OR10J1: variants seen among roughly 807,000 people sequenced by gnomAD.
The protein encoded by OR10J1 is olfactory receptor family 10 subfamily J member 1.
For synonymous variants in OR10J1, 202 were observed against 143.8 expected, an observed-to-expected ratio of 1.40 and a Z score of -2.89; for missense variants, 474 against 376.6, an observed-to-expected ratio of 1.26 and a Z score of -2.14.
the OR10J1 span, among the ~76,000 whole-genome samples, chr1:159,415,350 T>C: frequency 6.6e-6 from 1 of 152,146 alleles, no homozygotes; most frequent in Admixed American, 6.6e-5. Flanking sequence ...TGCATGTTCT[T>C]AGTGCCTTTG....
chr1:159,397,679 A>G, the OR10J1 span, among the ~76,000 whole-genome samples: 2 of 152,144 alleles, frequency 1.3e-5, no homozygotes, highest in East Asian at 1.9e-4. Flanking sequence ...TGGAAAAAGA[A>G]AGGAAGAGTG....
chr1:159,405,136 G>C, the OR10J1 span, among the ~76,000 whole-genome samples: 2 of 151,952 alleles, frequency 1.3e-5, no homozygotes, highest in African/African-American at 4.8e-5. Flanking sequence ...AACAAATAAA[G>C]ACATGAGGAA....
At chr1:159,415,291 C>A in the OR10J1 span, among the ~76,000 whole-genome samples, 1 of 151,952 alleles carries the variant, frequency 6.6e-6, no homozygotes. Flanking sequence ...TGCATATGGA[C>A]ATCCAATTTT....
chr1:159,422,100 C>T, the OR10J1 span, among the ~76,000 whole-genome samples: 1 of 152,120 alleles, frequency 6.6e-6, no homozygotes, highest in African/African-American at 2.4e-5. Flanking sequence ...TGGGCTTGAC[C>T]TCAGACCCCA....
the OR10J1 span, among the ~76,000 whole-genome samples, chr1:159,423,222 C>T: frequency 6.6e-6 from 1 of 152,290 alleles, no homozygotes; most frequent in South Asian, 2.1e-4. Flanking sequence ...AATGCTTCTA[C>T]ACTTTATTAT....
the OR10J1 span, among the ~76,000 whole-genome samples, chr1:159,401,537 C>T: frequency 5.3e-5 from 8 of 151,770 alleles, no homozygotes; most frequent in Non-Finnish European, 1.2e-4. Context: ...TACAACCTAC[C>T]AAGATTGAAC....
the OR10J1 span, among the ~76,000 whole-genome samples, chr1:159,411,675 A>T: frequency 1.3e-5 from 2 of 152,102 alleles, no homozygotes; most frequent in Non-Finnish European, 2.9e-5. Flanking sequence ...GTGTCTGTTA[A>T]TTGGAGCATT....
the OR10J1 span, among the ~76,000 whole-genome samples, chr1:159,418,793 C>T: frequency 6.6e-5 from 10 of 152,272 alleles, no homozygotes; most frequent in Admixed American, 2.0e-4. Context: ...AACACCAGCA[C>T]GTGAAAACAG....
the OR10J1 span, among the ~76,000 whole-genome samples, chr1:159,410,827 T>C: frequency 3.3e-5 from 5 of 150,588 alleles, no homozygotes; most frequent in South Asian, 6.4e-4. Flanking sequence ...CTTTCTCTTG[T>C]GGGCATTTAG....
chr1:159,427,573 A>G, the OR10J1 span, among the ~76,000 whole-genome samples: 1 of 151,988 alleles, frequency 6.6e-6, no homozygotes, highest in Non-Finnish European at 1.5e-5. Flanking sequence ...AAAAGGATAT[A>G]TTACCATAAT....
At chr1:159,439,058 C>G (rs74606413), upstream of OR10J1, among the ~76,000 whole-genome samples, 4 of 152,186 alleles carry the variant, frequency 2.6e-5, no homozygotes, top group Non-Finnish European at 5.9e-5. Flanking sequence ...TTATAACATA[C>G]GTGAATCAGT....
At chr1:159,437,999 C>T (rs113412692), upstream of OR10J1, 288 of 152,700 alleles carry the variant, frequency 1.9e-3, 1 homozygote, top group Non-Finnish European at 3.1e-3. Flanking sequence ...CCTCGGCCTC[C>T]TCCAGCCCAG....
chr1:159,427,045 G>C, the OR10J1 span, among the ~76,000 whole-genome samples: 1 of 151,826 alleles, frequency 6.6e-6, no homozygotes, highest in South Asian at 2.1e-4. Context: ...GGCAGAGAGA[G>C]ACAAGTGCTC....
chr1:159,404,773 G>A, the OR10J1 span, among the ~76,000 whole-genome samples: 95 of 152,056 alleles, frequency 6.2e-4, no homozygotes, highest in Admixed American at 3.1e-3. Flanking sequence ...TCGTGTGCCT[G>A]GGCAGATAAA....
At chr1:159,410,875 T>C in the OR10J1 span, among the ~76,000 whole-genome samples, 1 of 150,666 alleles carries the variant, frequency 6.6e-6, no homozygotes, top group Non-Finnish European at 1.5e-5. Context: ...TTTGAATGTG[T>C]CCCAGAGATT....
the OR10J1 span, among the ~76,000 whole-genome samples, chr1:159,422,091 G>T: frequency 2.0e-5 from 3 of 152,238 alleles, no homozygotes; most frequent in East Asian, 5.8e-4. Context: ...CAGGTTGAGT[G>T]GGCTTGACCT....
At chr1:159,434,459 C>A (rs1208717525), upstream of OR10J1, among the ~76,000 whole-genome samples, 4 of 152,024 alleles carry the variant, frequency 2.6e-5, no homozygotes, top group South Asian at 2.1e-4. Flanking sequence ...TGGTGCATCC[C>A]TTTTTCACTC....
the OR10J1 span, among the ~76,000 whole-genome samples, chr1:159,430,640 G>GTGTGT: frequency 7.1e-6 from 1 of 140,828 alleles, no homozygotes; most frequent in Non-Finnish European, 1.5e-5. Context: ...AAAAAATTAT[G>GTGTGT]GTGTGTGTGT....
chr1:159,437,780 C>G (rs1436678268), upstream of OR10J1: 1 of 152,322 alleles, frequency 6.6e-6, no homozygotes, highest in Non-Finnish European at 1.5e-5. Context: ...GGGAGAGCAT[C>G]TCCTCTGGCT....
Sources: allele counts gnomAD v4.1 joint callset (sites outside exome capture counted in the v4.1 genomes callset), GRCh38; gene constraint gnomAD v4.1.1; transcripts MANE v1.5; gene names NCBI Gene and HGNC (gene_info 2026-07-23, HGNC 2026-07-21).